Variants in KANK2 observed in about 807,000 individuals in gnomAD.
KANK2 encodes KN motif and ankyrin repeat domain-containing protein 2.
In KANK2, 41 loss-of-function variants were observed where a neutral mutation model predicts 74.6. The observed-to-expected ratio is 0.55, with a 90% CI of 0.43 to 0.71. The LOEUF (loss-of-function observed/expected upper bound fraction) is 0.71. Ranked by LOEUF, KANK2 falls within the 30% of genes least tolerant of loss-of-function variation. KANK2 has a pLI of 0.00. For synonymous variants in KANK2, 537 were observed against 519.0 expected (o/e 1.03, Z -0.47); for missense variants, 1,148 against 1,196.4 (o/e 0.96, Z 0.60).
Position 11,174,576 on chromosome 19 carries a change from C to G in KANK2, c.1965G>C (p.Leu655=), listed in dbSNP as rs1242621545. The G allele has an allele frequency of 1.2e-6, 2 of 1,613,376 alleles. No individual in the cohort carries two copies. Among genetic ancestry groups the G allele is most frequent in the Non-Finnish European group, 1.7e-6 (2 of 1,179,832 alleles). Residue 655 remains leucine, a synonymous_variant, in exon 9 of 13, where the codon CTG becomes CTC. Coordinates refer to ENST00000586659, the MANE Select transcript of KANK2 (RefSeq NM_001136191.3). ...CGGCGATGTTGACCACGTAGTCCAG[C>G]AGCCGCGCAGACATGGCCCGGAACG... The part of the protein sequence containing the change: ...LVTFRAMSAR[L]LDYVVNIADS...
rs372987013 is a variant in KANK2, at chr19:11,176,569, A to T, written c.1760+9T>A. ...CCCTGCCTGAATCCCTCCTACCCAG[A>T]AAACTGACCTGATCTCCTCCTCCGT... is the stretch of plus-strand genomic sequence containing the variant. On this transcript the variant is annotated intron_variant, in intron 7 of 12. Coordinates refer to ENST00000586659, the MANE Select transcript of KANK2 (RefSeq NM_001136191.3). 2.6e-5 allele frequency: 41 copies of T among 1,566,280 alleles called. No individual in the cohort carries two copies. In the African/African-American group the frequency reaches 5.5e-4, roughly 21 times the overall value.
intron 4 of KANK2, among the ~76,000 whole-genome samples, chr19:11,183,877 T>G (rs971862369): frequency 6.6e-6 from 1 of 152,064 alleles, no homozygotes; most frequent in Admixed American, 6.6e-5. Flanking sequence ...GGTCTTGAAC[T>G]CCTGGCCAAT....
chr19:11,177,477 C>T (rs927517243), intron 6 of KANK2, among the ~76,000 whole-genome samples: 1 of 152,096 alleles, frequency 6.6e-6, no homozygotes, highest in African/African-American at 2.4e-5. Context: ...GCCTCAGCCT[C>T]CCAAGTAGCT....
chr19:11,194,602 G>T lies in KANK2; in HGVS notation c.-79-12C>A, dbSNP rs2078962037. On this transcript the variant is annotated splice_polypyrimidine_tract_variant and intron_variant, in intron 2 of 12. Transcript: ENST00000586659. Reference sequence around the variant, plus strand: ...CGGCTGAGGCTTACCTGGGGAAAGAGAACCACGGCGCCGGGAGTTAGGAGT... The same window carrying T: ...CGGCTGAGGCTTACCTGGGGAAAGATAACCACGGCGCCGGGAGTTAGGAGT... 1 of 1,035,856 alleles carries T rather than the reference G, an allele frequency of 9.7e-7. No homozygotes were observed. The allele number at this position is 1,035,856 out of a possible 1,614,324, so 64.2% of individuals were successfully genotyped here.
At chr19:11,168,325 G>C (rs966073705) in intron 12 of KANK2, among the ~76,000 whole-genome samples, 10 of 148,688 alleles carry the variant, frequency 6.7e-5, no homozygotes, top group African/African-American at 2.5e-4. Context: ...TTTTTTCCCA[G>C]ACAAGGCGGC....
At chr19:11,192,687 G>A (rs770477586) in intron 4 of KANK2, 144 bp downstream of exon 4, 11 of 963,130 alleles carry the variant, frequency 1.1e-5, no homozygotes, top group East Asian at 8.0e-5. Flanking sequence ...TGCCCGCCTC[G>A]GCCTCCCAAA....
intron 12 of KANK2, among the ~76,000 whole-genome samples, chr19:11,168,005 GTTT>G (rs528176321): frequency 1.2e-4 from 14 of 115,006 alleles, no homozygotes; most frequent in African/African-American, 4.4e-4. Context: ...CCACGTCCTT[GTTT>G]TTTTTTTTTT....
chr19:11,194,070 T>C (rs2078945408), intron 3 of KANK2, 28 bp from the exon 4 acceptor site: 12 of 1,569,414 alleles, frequency 7.6e-6, no homozygotes, highest in Non-Finnish European at 1.0e-5. Context: ...ACCAGGACCT[T>C]TGAATCCTCT....
chr19:11,193,948 C>T lies in KANK2; in HGVS notation c.132G>A (p.Leu44=). 2 of 1,614,058 alleles carry T rather than the reference C, an allele frequency of 1.2e-6. No homozygotes were observed. The highest frequency in any genetic ancestry group is 1.7e-6 in the Non-Finnish European group (2 of 1,180,010). ...VETPYGYRLD[L]DFLKYVDDIE... ...TGTCATCCACGTACTTGAGGAAGTCCAGGTCCAGGCGGTAGCCATAGGGGG... is the reference window on the plus strand; with the variant it reads ...TGTCATCCACGTACTTGAGGAAGTCTAGGTCCAGGCGGTAGCCATAGGGGG... Residue 44 remains leucine, a synonymous_variant, in exon 4 of 13, where the codon CTG becomes CTA. Transcript: ENST00000586659. The surrounding 1 kb of genome is among the most constrained non-coding windows in gnomAD (Gnocchi z 9.6).
chr19:11,166,543 C>T lies in KANK2; in HGVS notation c.*15G>A, dbSNP rs546422721. 1 of 1,613,350 alleles carries T rather than the reference C, an allele frequency of 6.2e-7. No individual in the cohort carries two copies. The highest frequency in any genetic ancestry group is 1.1e-5 in the South Asian group (1 of 91,066). On this transcript the variant is annotated 3_prime_UTR_variant, in exon 13 of 13. Transcript: ENST00000586659. ...GGTTTGCTCCCGGTCTGGCTGGTCCCCGCCTCCCTCACGGCTACTCTTCTG... is the reference window on the plus strand; with the variant it reads ...GGTTTGCTCCCGGTCTGGCTGGTCCTCGCCTCCCTCACGGCTACTCTTCTG...
chr19:11,180,042 T>C (rs2078468135), intron 4 of KANK2, among the ~76,000 whole-genome samples: 1 of 152,118 alleles, frequency 6.6e-6, no homozygotes, highest in African/African-American at 2.4e-5. Context: ...CTGTAATGTT[T>C]GTAGAGATGG....
In KANK2 at chr19:11,193,423, G is replaced by C; in HGVS notation, c.657C>G (p.Leu219=). ...CTGTGAGCTGCCGCTTTTCCTCCTG[G>C]AGCACCGAGAGCTTCACCTGGAGCA... The part of the protein sequence containing the change: ...IPVLQVKLSV[L]QEEKRQLTVQ... The change falls in exon 4 of 13, where the codon CTC becomes CTG. Residue 219 remains leucine, a synonymous_variant. Coordinates refer to ENST00000586659, the MANE Select transcript of KANK2 (RefSeq NM_001136191.3). This position sits in a 1 kb window ranked among gnomAD's most constrained non-coding sequence, Gnocchi z 9.6. 6.2e-7 allele frequency: 1 copy of C among 1,612,442 alleles called. No homozygotes were observed. The highest frequency in any genetic ancestry group is 8.5e-7 in the Non-Finnish European group (1 of 1,179,936).
chr19:11,183,619 G>T (rs2078591652), intron 4 of KANK2, among the ~76,000 whole-genome samples: 1 of 152,014 alleles, frequency 6.6e-6, no homozygotes, highest in South Asian at 2.1e-4. Context: ...CTCCCGAGTA[G>T]CTGGGACTAC....
At chr19:11,192,800 CAT>C in intron 4 of KANK2, 29 bp downstream of exon 4, 1 of 1,600,622 alleles carries the variant, frequency 6.2e-7, no homozygotes, top group Admixed American at 1.7e-5. Flanking sequence ...CCCCCCAAGC[CAT>C]TCTCCCCTGC....
At position 11,178,629 on chromosome 19, in the gene KANK2, C is replaced by T. The variant is rs754006738; in HGVS notation, c.1341G>A (p.Val447=). The part of the protein sequence containing the change: ...LTQPEKSTGR[V]PTQEPTHREP... ...CCCTGTGGGTGGGCTCCTGGGTGGG[C>T]ACTCGGCCTGTGCTCTTCTCAGGCT... Residue 447 remains valine, a synonymous_variant, in exon 5 of 13, where the codon GTG becomes GTA. Transcript: ENST00000586659. The T allele has an allele frequency of 6.3e-7, 1 of 1,594,832 alleles. No homozygotes were observed. Among genetic ancestry groups the T allele is most frequent in the South Asian group, 1.1e-5 (1 of 88,558 alleles).
At chr19:11,194,617 G>C (rs2078962799) in intron 2 of KANK2, 27 bp from the exon 3 acceptor site, 1 of 888,878 alleles carries the variant, frequency 1.1e-6, no homozygotes. Flanking sequence ...ACGGCGCCGG[G>C]AGTTAGGAGT....
intron 8 of KANK2, among the ~76,000 whole-genome samples, chr19:11,175,419 C>CT (rs1161112642): frequency 8.4e-6 from 1 of 119,464 alleles, no homozygotes; most frequent in Non-Finnish European, 1.6e-5. Context: ...CAGAGCAAGA[C>CT]TCCCTCTCAA....
chr19:11,174,592 GC>G lies in KANK2; in HGVS notation c.1948del (p.Ala650ProfsTer64). On this transcript the variant is annotated frameshift_variant, in exon 9 of 13. Transcript: ENST00000586659. LOFTEE classifies it high-confidence loss of function. ...GTAGTCCAGCAGCCGCGCAGACATG[GC>G]CCGGAACGTGACCAGGTGCCGCCGC... ...LVRRHLVTFR[A>X]MSARLLDYVV... The G allele has an allele frequency of 6.2e-7, 1 of 1,613,154 alleles. No individual in the cohort carries two copies. Among genetic ancestry groups the G allele is most frequent in the Non-Finnish European group, 8.5e-7 (1 of 1,179,800 alleles).
chr19:11,167,253 T>C (rs932200688), intron 12 of KANK2, among the ~76,000 whole-genome samples: 1 of 151,876 alleles, frequency 6.6e-6, no homozygotes, highest in African/African-American at 2.4e-5. Context: ...TTAGTAGAGA[T>C]GGGGTTTCTC....
Sources: gnomAD v4.1 joint callset for allele counts (sites outside exome capture counted in the v4.1 genomes callset) on GRCh38, gnomAD v4.1.1 for gene constraint, Gnocchi (gnomAD v3.1) non-coding constraint, MANE v1.5 for transcripts, NCBI Gene and HGNC (gene_info 2026-07-23, HGNC 2026-07-21) for gene names.